The following DRC11 variants were observed in gnomAD, a reference collection of about 807,000 sequenced individuals.
The protein encoded by DRC11 is IQ and AAA domain-containing protein 1.
At chr2:236,402,986 C>T in the DRC11 span, among the ~76,000 whole-genome samples, 1 of 152,124 alleles carries the variant, frequency 6.6e-6, no homozygotes, top group Non-Finnish European at 1.5e-5. The surrounding 1 kb of genome is among the most constrained non-coding windows in gnomAD (Gnocchi z 6.0). Flanking sequence ...AGGAGTCATA[C>T]ATCTTTATTA....
chr2:236,406,104 A>G, the DRC11 span, among the ~76,000 whole-genome samples: 67,611 of 152,080 alleles, frequency 0.44, 15,536 homozygotes, highest in African/African-American at 0.51. The surrounding 1 kb of genome is among the most constrained non-coding windows in gnomAD (Gnocchi z 4.7). Context: ...GATAAATGCT[A>G]CATGGAGAAC....
At chr2:236,492,653 C>A in the DRC11 span, among the ~76,000 whole-genome samples, 1 of 152,150 alleles carries the variant, frequency 6.6e-6, no homozygotes, top group African/African-American at 2.4e-5. Flanking sequence ...TGAAGGCCAG[C>A]CAGAAGGGTG....
the DRC11 span, chr2:236,368,871 A>C: frequency 2.0e-5 from 3 of 152,484 alleles, no homozygotes; most frequent in Admixed American, 2.0e-4. Context: ...TTAAGAGAGT[A>C]CCAAAGGAAT....
the DRC11 span, among the ~76,000 whole-genome samples, chr2:236,482,455 A>T: frequency 6.6e-6 from 1 of 152,216 alleles, no homozygotes; most frequent in Non-Finnish European, 1.5e-5. This position sits in a 1 kb window ranked among gnomAD's most constrained non-coding sequence, Gnocchi z 4.5. Flanking sequence ...ATCCTGTGGC[A>T]ACTTGCCAAC....
At chr2:236,460,354 C>T in the DRC11 span, among the ~76,000 whole-genome samples, 3 of 152,278 alleles carry the variant, frequency 2.0e-5, no homozygotes, top group Non-Finnish European at 2.9e-5. This position sits in a 1 kb window ranked among gnomAD's most constrained non-coding sequence, Gnocchi z 4.0. Flanking sequence ...CAACGGAGAG[C>T]GTGCTCCCAG....
chr2:236,324,464 T>C, the DRC11 span: 1 of 434,798 alleles, frequency 2.3e-6, no homozygotes, highest in Non-Finnish European at 4.2e-6. The surrounding 1 kb of genome is among the most constrained non-coding windows in gnomAD (Gnocchi z 5.7). Flanking sequence ...AACACCCAGC[T>C]AGGTGTCCAG....
At chr2:236,380,445 C>T in the DRC11 span, 1 of 749,020 alleles carries the variant, frequency 1.3e-6, no homozygotes, top group South Asian at 1.8e-5. The surrounding 1 kb of genome is among the most constrained non-coding windows in gnomAD (Gnocchi z 4.9). Flanking sequence ...AGGTGGCTCC[C>T]ACCACTCCGG....
chr2:236,443,601 T>C, the DRC11 span, among the ~76,000 whole-genome samples: 4 of 152,260 alleles, frequency 2.6e-5, no homozygotes, highest in African/African-American at 9.6e-5. This position sits in a 1 kb window ranked among gnomAD's most constrained non-coding sequence, Gnocchi z 4.4. Context: ...TGTACCACAT[T>C]TTCTTTATCC....
At chr2:236,360,941 G>A in the DRC11 span, among the ~76,000 whole-genome samples, 2 of 152,164 alleles carry the variant, frequency 1.3e-5, no homozygotes, top group African/African-American at 4.8e-5. This position sits in a 1 kb window ranked among gnomAD's most constrained non-coding sequence, Gnocchi z 5.8. Flanking sequence ...AGCCCCGCTT[G>A]CTTCAGAGGC....
the DRC11 span, among the ~76,000 whole-genome samples, chr2:236,356,756 C>T: frequency 1.3e-5 from 2 of 151,932 alleles, no homozygotes; most frequent in Admixed American, 6.6e-5. Flanking sequence ...TACTATTATA[C>T]AGACTCAAGG....
chr2:236,489,845 A>G, the DRC11 span, among the ~76,000 whole-genome samples: 1 of 152,206 alleles, frequency 6.6e-6, no homozygotes. Context: ...GGATCACTTG[A>G]GCCCAGAAAT....
At chr2:236,474,782 T>C in the DRC11 span, among the ~76,000 whole-genome samples, 1 of 152,138 alleles carries the variant, frequency 6.6e-6, no homozygotes, top group Non-Finnish European at 1.5e-5. Flanking sequence ...TTTATGAAAC[T>C]CTACTGCCAT....
chr2:236,347,121 C>T, the DRC11 span, among the ~76,000 whole-genome samples: 1 of 152,198 alleles, frequency 6.6e-6, no homozygotes, highest in African/African-American at 2.4e-5. Context: ...TGCAGTGGCA[C>T]GATCTTGGCT....
At chr2:236,358,069 T>C in the DRC11 span, among the ~76,000 whole-genome samples, 1 of 120,312 alleles carries the variant, frequency 8.3e-6, no homozygotes, top group African/African-American at 3.4e-5. Flanking sequence ...TATATGAATA[T>C]ATATTTATAA....
the DRC11 span, among the ~76,000 whole-genome samples, chr2:236,335,566 C>T: frequency 1.1e-3 from 164 of 152,224 alleles, no homozygotes; most frequent in East Asian, 6.4e-3. This position sits in a 1 kb window ranked among gnomAD's most constrained non-coding sequence, Gnocchi z 5.6. Flanking sequence ...GAATCCTAAG[C>T]GATGTGTGGT....
the DRC11 span, chr2:236,465,836 A>G: frequency 1.5e-6 from 1 of 650,598 alleles, no homozygotes; most frequent in Non-Finnish European, 2.7e-6. This position sits in a 1 kb window ranked among gnomAD's most constrained non-coding sequence, Gnocchi z 6.2. Flanking sequence ...AAGAAATACA[A>G]GCATCCAGAG....
the DRC11 span, among the ~76,000 whole-genome samples, chr2:236,316,077 C>CA: frequency 6.8e-3 from 1,034 of 152,042 alleles, 12 homozygotes; most frequent in African/African-American, 0.024. This position sits in a 1 kb window ranked among gnomAD's most constrained non-coding sequence, Gnocchi z 6.8. Context: ...ACATAGGACA[C>CA]AAAAAAACTG....
At chr2:236,504,874 T>C in the DRC11 span, among the ~76,000 whole-genome samples, 40,991 of 152,142 alleles carry the variant, frequency 0.27, 10,608 homozygotes, top group African/African-American at 0.67. The surrounding 1 kb of genome is among the most constrained non-coding windows in gnomAD (Gnocchi z 5.0). Flanking sequence ...CTTCACCTGC[T>C]GTCATGATTG....
the DRC11 span, among the ~76,000 whole-genome samples, chr2:236,490,461 C>T: frequency 0.19 from 29,250 of 152,100 alleles, 3,110 homozygotes; most frequent in Middle Eastern, 0.27. This position sits in a 1 kb window ranked among gnomAD's most constrained non-coding sequence, Gnocchi z 5.5. Flanking sequence ...AAGATTTCAC[C>T]GCTTCAAATT....
Sources: allele counts gnomAD v4.1 joint callset (sites outside exome capture counted in the v4.1 genomes callset), GRCh38; gene constraint gnomAD v4.1.1; non-coding constraint Gnocchi (gnomAD v3.1); transcripts MANE v1.5; gene names NCBI Gene and HGNC (gene_info 2026-07-23, HGNC 2026-07-21).